The following PCDHA6 variants were observed in gnomAD, a reference collection of about 807,000 sequenced individuals.
PCDHA6 encodes the protein protocadherin alpha 6.
PCDHA6 carries 55 observed loss-of-function variants against 60.3 expected under a neutral mutation model. That is an observed-to-expected ratio of 0.91 (90% CI 0.73 to 1.14). The LOEUF is 1.14. Among genes scored for constraint, PCDHA6 ranks in the 50% most tolerant of loss-of-function variants. The probability of loss-of-function intolerance (pLI) is 0.00; values close to 1 mark genes in which losing one functional copy is unlikely to be tolerated. For synonymous variants in PCDHA6, 652 were observed against 557.9 expected (o/e 1.17, Z -2.38); for missense variants, 1,327 against 1,256.5 (o/e 1.06, Z -0.85).
chr5:140,966,928 C>T (rs782034487), intron 1 of PCDHA6: 1 of 1,603,332 alleles, frequency 6.2e-7, no homozygotes, highest in South Asian at 1.1e-5. Context: ...AGCAGGCACC[C>T]GGCGCGCTCG....
chr5:140,928,637 A>C (rs781828981), intron 1 of PCDHA6: 1 of 1,614,202 alleles, frequency 6.2e-7, no homozygotes, highest in South Asian at 1.1e-5. Context: ...TTGGTCACAA[A>C]AGTGGTAGCA....
rs2150409863 is a variant in PCDHA6 at position 140,848,399 on chromosome 5, C to A, written c.2394+17914C>A. 68 of 1,293,766 alleles carry A rather than the reference C, an allele frequency of 5.3e-5. 5 individuals are homozygous for A. In the Admixed American group the frequency reaches 5.7e-4, roughly 11 times the overall value. The allele number at this position is 1,293,766 out of a possible 1,614,324, so 80.1% of individuals were successfully genotyped here. A position where few individuals can be genotyped will look rare whatever the true frequency, so the allele number is the denominator to read the frequency against. The stretch of plus-strand genomic sequence containing the variant: ...TCTTTTTCACTCTCTCTGTGCTGAA[C>A]GATGGCGAACACAGCAGAATGGGAC... On this transcript the variant is annotated intron_variant, in intron 1 of 3. Coordinates refer to ENST00000529310, the MANE Select transcript of PCDHA6 (RefSeq NM_018909.4).
In PCDHA6 at chr5:140,966,446, C is replaced by T. The variant is rs2096003680; in HGVS notation, c.2395-12503C>T. Reference sequence around the variant, plus strand: ...CTGAGCCCTCCTACCGCTCCCTTTCCCCCTCCCCCTCTGTCTTCCCTTCTG... The same window carrying T: ...CTGAGCCCTCCTACCGCTCCCTTTCTCCCTCCCCCTCTGTCTTCCCTTCTG... On this transcript the variant is annotated intron_variant, in intron 1 of 3. Transcript: ENST00000529310. 7 of 424,490 alleles carry T rather than the reference C, an allele frequency of 1.6e-5. No homozygotes were observed. The East Asian group carries it at 2.5e-4, about 15-fold the overall frequency. 26.3% of individuals were successfully genotyped at this position (424,490 alleles called of 1,614,324 possible).
chr5:140,883,486 A>G (rs2059636103), intron 1 of PCDHA6: 1 of 1,614,016 alleles, frequency 6.2e-7, no homozygotes, highest in Non-Finnish European at 8.5e-7. Context: ...ACTACTACTC[A>G]TTAGTGCTGG....
At chr5:140,830,595 A>T (rs1211988940) in intron 1 of PCDHA6, 110 bp downstream of exon 1, 21 of 702,108 alleles carry the variant, frequency 3.0e-5, no homozygotes, top group Non-Finnish European at 4.4e-5. Flanking sequence ...ATTTTACAAA[A>T]TTACATATTT....
chr5:140,857,544 G>T (rs1408742148), intron 1 of PCDHA6: 1 of 1,596,898 alleles, frequency 6.3e-7, no homozygotes, highest in Non-Finnish European at 8.6e-7. Flanking sequence ...CGGCGGTTGG[G>T]CGAGCGCTCG....
At chr5:140,871,010 TGG>T in intron 1 of PCDHA6, 1 of 1,613,348 alleles carries the variant, frequency 6.2e-7, no homozygotes, top group South Asian at 1.1e-5. Context: ...ACGCGTGCCC[TGG>T]ACGAGGCAGA....
chr5:140,973,125 G>A (rs1417014318), intron 1 of PCDHA6, among the ~76,000 whole-genome samples: 2 of 152,166 alleles, frequency 1.3e-5, no homozygotes, highest in African/African-American at 4.8e-5. Context: ...GATGAATTAA[G>A]TTTGCATTCA....
chr5:140,920,002 A>G (rs1260973070), intron 1 of PCDHA6, among the ~76,000 whole-genome samples: 1 of 152,230 alleles, frequency 6.6e-6, no homozygotes, highest in Non-Finnish European at 1.5e-5. Flanking sequence ...CACAGAGGAA[A>G]AGGCCATGCG....
At chr5:140,980,347 C>G (rs1329268780) in intron 2 of PCDHA6, among the ~76,000 whole-genome samples, 2 of 152,132 alleles carry the variant, frequency 1.3e-5, no homozygotes, top group African/African-American at 4.8e-5. Context: ...ACATAACTTC[C>G]TGGACTGGGC....
At chr5:140,834,431 G>A (rs2150217688) in intron 1 of PCDHA6, 15 of 1,611,328 alleles carry the variant, frequency 9.3e-6, no homozygotes. Flanking sequence ...ATCTACTGCT[G>A]TTTATTATAA....
intron 1 of PCDHA6, chr5:140,855,890 A>C (rs1314408448): frequency 2.8e-5 from 28 of 999,762 alleles, no homozygotes; most frequent in African/African-American, 2.3e-4. Context: ...TTTAGAACAA[A>C]GGCATCAGCC....
rs782497691 is a variant in PCDHA6 at position 140,856,769 on chromosome 5, T to C, written c.2394+26284T>C. On this transcript the variant is annotated intron_variant, in intron 1 of 3. Transcript: ENST00000529310. ...AGATGCCAATGATAACGCCCCTATC[T>C]TTGACAGACCGGTTTATGAAGTTAA... is the stretch of plus-strand genomic sequence containing the variant. 1.8e-5 allele frequency: 28 copies of C among 1,596,572 alleles called. 4 individuals carry two copies. The highest frequency in any genetic ancestry group is 2.4e-5 in the Non-Finnish European group (28 of 1,166,742).
intron 1 of PCDHA6, among the ~76,000 whole-genome samples, chr5:140,840,645 G>A (rs1346934445): frequency 2.6e-5 from 4 of 152,068 alleles, no homozygotes; most frequent in Middle Eastern, 3.4e-3. Context: ...TAGAGAAATA[G>A]TGTAAAGAAT....
intron 1 of PCDHA6, chr5:140,927,330 G>A (rs2084093036): frequency 6.2e-7 from 1 of 1,614,140 alleles, no homozygotes; most frequent in Non-Finnish European, 8.5e-7. Flanking sequence ...TTACTCTCCC[G>A]AATGCCCAAG....
chr5:140,850,643 G>A, intron 1 of PCDHA6: 1 of 1,598,690 alleles, frequency 6.3e-7, no homozygotes, highest in African/African-American at 1.3e-5. Context: ...TCACGCTGCT[G>A]CTGTACACTG....
intron 1 of PCDHA6, chr5:140,967,339 G>A (rs2153751436): frequency 6.2e-7 from 1 of 1,607,904 alleles, no homozygotes; most frequent in Non-Finnish European, 8.5e-7. Context: ...GCCCCAGCGA[G>A]CACTTCGAGC....
At chr5:140,903,597 T>C (rs1182384058) in intron 1 of PCDHA6, among the ~76,000 whole-genome samples, 1 of 152,218 alleles carries the variant, frequency 6.6e-6, no homozygotes, top group African/African-American at 2.4e-5. Flanking sequence ...GCCTGATAAA[T>C]GCTTAATACA....
intron 1 of PCDHA6, chr5:140,843,553 G>C (rs1275122592): frequency 1.3e-6 from 2 of 1,595,812 alleles, no homozygotes; most frequent in Non-Finnish European, 1.7e-6. Flanking sequence ...GCTCCAGTGC[G>C]GTGGGGAGCT....
Sources: gnomAD v4.1 joint callset for allele counts (sites outside exome capture counted in the v4.1 genomes callset) on GRCh38, gnomAD v4.1.1 for gene constraint, MANE v1.5 for transcripts, NCBI Gene and HGNC (gene_info 2026-07-23, HGNC 2026-07-21) for gene names.